The following ACCSL variants were observed in gnomAD, a reference collection of about 807,000 sequenced individuals.
ACCSL encodes the protein 1-aminocyclopropane-1-carboxylate synthase homolog (inactive) like.
A neutral mutation model predicts 61.7 loss-of-function variants in ACCSL; 55 were observed. The ratio of observed to expected loss-of-function variants is 0.89; its 90% confidence interval spans 0.72 to 1.12. The LOEUF is 1.12. ACCSL is among the 50% of genes most tolerant of loss of function. ACCSL has a pLI of 0.00. For missense variants in ACCSL, 632 were observed against 698.0 expected, an observed-to-expected ratio of 0.91 and a Z score of 1.07; for synonymous variants, 258 against 264.3, an observed-to-expected ratio of 0.98 and a Z score of 0.23.
At chr11:44,047,086 G>A (rs907134316), upstream of ACCSL, among the ~76,000 whole-genome samples, 1 of 152,138 alleles carries the variant, frequency 6.6e-6, no homozygotes, top group African/African-American at 2.4e-5. Flanking sequence ...CTAGAAATGA[G>A]GATTCTCAGG....
chr11:44,034,508 G>A, the ACCSL span, among the ~76,000 whole-genome samples: 1 of 152,194 alleles, frequency 6.6e-6, no homozygotes, highest in Non-Finnish European at 1.5e-5. Flanking sequence ...GGCCGAGGAG[G>A]CCTCACAATC....
Position 44,056,237 on chromosome 11 carries a change from A to G in ACCSL, c.1238A>G (p.Glu413Gly), listed in dbSNP as rs915320120. 4 of 1,614,090 alleles carry G rather than the reference A, an allele frequency of 2.5e-6. No individual in the cohort carries two copies. Among genetic ancestry groups the G allele is most frequent in the Non-Finnish European group, 3.4e-6 (4 of 1,180,048 alleles). ...RFGALYTHNK[E>G]VASAVSAFGY... Reference sequence around the variant, plus strand: ...GGTGCTCTGTATACCCACAACAAGGAGGTGGCCTCTGCTGTGAGTGCCTTT... The same window carrying G: ...GGTGCTCTGTATACCCACAACAAGGGGGTGGCCTCTGCTGTGAGTGCCTTT... Residue 413 changes from glutamate (E) to glycine (G), a missense_variant, in exon 11 of 14, where the codon GAG becomes GGG. Physicochemically the swap from Glu to Gly is moderately conservative, Grantham distance 98. Coordinates refer to ENST00000378832, the MANE Select transcript of ACCSL (RefSeq NM_001031854.2).
chr11:43,932,998 G>A, the ACCSL span: 1 of 450,624 alleles, frequency 2.2e-6, no homozygotes, highest in African/African-American at 2.0e-5. Flanking sequence ...GGGCTGCGCT[G>A]TGTAGCTGGG....
the ACCSL span, among the ~76,000 whole-genome samples, chr11:43,995,997 A>G: frequency 1.3e-5 from 2 of 152,200 alleles, no homozygotes; most frequent in African/African-American, 4.8e-5. Flanking sequence ...GTGTCCTTAT[A>G]AAAAGGGGGT....
the ACCSL span, among the ~76,000 whole-genome samples, chr11:44,006,350 T>C: frequency 6.6e-6 from 1 of 152,188 alleles, no homozygotes; most frequent in African/African-American, 2.4e-5. Flanking sequence ...CTTCCAGCTC[T>C]GGGTGCTAGC....
At chr11:43,952,813 A>G in the ACCSL span, among the ~76,000 whole-genome samples, 2 of 152,150 alleles carry the variant, frequency 1.3e-5, no homozygotes, top group African/African-American at 2.4e-5. Flanking sequence ...AAGCTCACTT[A>G]AGATAAGAGG....
chr11:43,978,780 TG>T, the ACCSL span, among the ~76,000 whole-genome samples: 4 of 103,568 alleles, frequency 3.9e-5, no homozygotes, highest in African/African-American at 1.1e-4. Flanking sequence ...CCTGAGAAGG[TG>T]GGTTTTTTTT....
At chr11:44,000,894 C>T in the ACCSL span, among the ~76,000 whole-genome samples, 2 of 152,158 alleles carry the variant, frequency 1.3e-5, no homozygotes. Context: ...CCCCCAGGTA[C>T]TGAGAGACAA....
the ACCSL span, among the ~76,000 whole-genome samples, chr11:44,014,761 G>C: frequency 6.6e-6 from 1 of 152,184 alleles, no homozygotes; most frequent in South Asian, 2.1e-4. Flanking sequence ...CCTAGGAGTA[G>C]GAGGGGAGAA....
chr11:44,045,048 A>G (rs534788103), upstream of ACCSL, among the ~76,000 whole-genome samples: 10 of 152,236 alleles, frequency 6.6e-5, no homozygotes, highest in Non-Finnish European at 1.5e-4. Context: ...GGTGTCATTT[A>G]CAATAGACTT....
the ACCSL span, among the ~76,000 whole-genome samples, chr11:44,030,057 AT>A: frequency 0.052 from 233 of 4,452 alleles, 6 homozygotes; most frequent in Non-Finnish European, 0.074. Context: ...TCTTTGGTTG[AT>A]TTTTTTTTTT....
chr11:43,928,245 G>T, the ACCSL span, among the ~76,000 whole-genome samples: 2 of 152,158 alleles, frequency 1.3e-5, no homozygotes, highest in South Asian at 2.1e-4. Flanking sequence ...GAGAGAGACT[G>T]CAGGAGTCCA....
the ACCSL span, among the ~76,000 whole-genome samples, chr11:43,960,164 G>C: frequency 1.2e-3 from 182 of 152,242 alleles, no homozygotes; most frequent in African/African-American, 4.2e-3. Flanking sequence ...GCTATCCCTA[G>C]CCCCATGTAC....
At position 44,052,982 on chromosome 11, in the gene ACCSL, C is replaced by G; in HGVS notation, c.871-9C>G. The G allele has an allele frequency of 6.2e-7, 1 of 1,612,642 alleles. No individual in the cohort carries two copies. The highest frequency in any genetic ancestry group is 8.5e-7 in the Non-Finnish European group (1 of 1,178,658). ...AAGAGACACTTCTCACATAGTGTTT[C>G]TCTTCCAGGTCACTGTTACAAACAC... is the stretch of plus-strand genomic sequence containing the variant. On this transcript the variant is annotated splice_polypyrimidine_tract_variant and intron_variant, in intron 6 of 13. Transcript: ENST00000378832.
chr11:44,059,971 C>T lies in ACCSL; in HGVS notation c.*51C>T. On this transcript the variant is annotated 3_prime_UTR_variant, in exon 14 of 14. Coordinates refer to ENST00000378832, the MANE Select transcript of ACCSL (RefSeq NM_001031854.2). The stretch of plus-strand genomic sequence containing the variant: ...CCAGCCCATCACTTGCTCAGGGACC[C>T]CCTAATGTCAGCCTCTGGCCCAGAA... 1.3e-6 allele frequency: 2 copies of T among 1,554,520 alleles called. No homozygotes were observed. The highest frequency in any genetic ancestry group is 8.9e-7 in the Non-Finnish European group (1 of 1,128,762).
chr11:44,010,162 G>T, the ACCSL span, among the ~76,000 whole-genome samples: 1 of 152,166 alleles, frequency 6.6e-6, no homozygotes. Context: ...CCAACATGGA[G>T]AAACCCCGTC....
At chr11:44,032,566 G>A in the ACCSL span, among the ~76,000 whole-genome samples, 1 of 152,214 alleles carries the variant, frequency 6.6e-6, no homozygotes, top group African/African-American at 2.4e-5. Flanking sequence ...GCTGGGGCAT[G>A]ATGAAATTGC....
chr11:44,027,648 A>G, the ACCSL span, among the ~76,000 whole-genome samples: 2 of 152,216 alleles, frequency 1.3e-5, no homozygotes, highest in Non-Finnish European at 2.9e-5. Context: ...TCCCAAGGGC[A>G]TACAACTGGT....
the ACCSL span, among the ~76,000 whole-genome samples, chr11:43,968,780 T>C: frequency 1.3e-5 from 2 of 152,160 alleles, no homozygotes; most frequent in Non-Finnish European, 2.9e-5. Flanking sequence ...AGTTTTTCCC[T>C]AACCTGACAA....
Sources: allele counts gnomAD v4.1 joint callset (sites outside exome capture counted in the v4.1 genomes callset), GRCh38; gene constraint gnomAD v4.1.1; transcripts MANE v1.5; gene names NCBI Gene and HGNC (gene_info 2026-07-23, HGNC 2026-07-21).